WNK1: variants seen among roughly 807,000 people sequenced by gnomAD.
The protein encoded by WNK1 is WNK lysine deficient protein kinase 1, also known as serine/threonine-protein kinase WNK1.
WNK1 carries 38 observed loss-of-function variants against 222.8 expected under a neutral mutation model. The observed-to-expected ratio is 0.17, with a 90% CI of 0.13 to 0.22. The LOEUF (loss-of-function observed/expected upper bound fraction) is 0.22, where lower values mean the gene tolerates loss of function less well. Ranked by LOEUF, WNK1 falls within the 10% of genes least tolerant of loss-of-function variation. WNK1 has a pLI of 1.00. For missense variants in WNK1, 2,348 were observed against 2,918.4 expected (o/e 0.80, Z 4.50); for synonymous variants, 1,090 against 1,092.9 (o/e 1.00, Z 0.05).
chr12:838,599 A>G (rs1404717289), intron 4 of WNK1, among the ~76,000 whole-genome samples: 1 of 151,566 alleles, frequency 6.6e-6, no homozygotes, highest in Non-Finnish European at 1.5e-5. Flanking sequence ...TATTTTTTGT[A>G]GAGACGAGGT....
chr12:779,282 G>T (rs567330168), intron 1 of WNK1, among the ~76,000 whole-genome samples: 1 of 151,950 alleles, frequency 6.6e-6, no homozygotes, highest in African/African-American at 2.4e-5. Flanking sequence ...CGAATTCCCT[G>T]TTGGGAAAGT....
At chr12:820,239 A>G (rs1947732264) in intron 2 of WNK1, among the ~76,000 whole-genome samples, 1 of 152,084 alleles carries the variant, frequency 6.6e-6, no homozygotes, top group Non-Finnish European at 1.5e-5. Context: ...AATTTCTTTC[A>G]GCAATGTTTT....
At chr12:889,114 T>C (rs1173302751) in intron 20 of WNK1, 26 bp from the exon 21 acceptor site, 2 of 1,603,734 alleles carry the variant, frequency 1.2e-6, no homozygotes, top group East Asian at 2.2e-5. Context: ...CACGGAACTG[T>C]ATTTACTGTG....
Position 753,525 on chromosome 12 carries a change from C to A in WNK1, c.-41C>A. 2 of 1,610,396 alleles carry A rather than the reference C, an allele frequency of 1.2e-6. No homozygotes were observed. The highest frequency in any genetic ancestry group is 1.7e-6 in the Non-Finnish European group (2 of 1,179,580). ...CTCGGCCCTTCACGCCCTTTTCGTT[C>A]ACGAATCCGAGCCCGCTCGCCTCTC... On this transcript the variant is annotated 5_prime_UTR_variant, in exon 1 of 28. Coordinates refer to ENST00000315939, the MANE Select transcript of WNK1 (RefSeq NM_018979.4). The surrounding 1 kb of genome is among the most constrained non-coding windows in gnomAD (Gnocchi z 5.2).
intron 1 of WNK1, among the ~76,000 whole-genome samples, chr12:808,386 T>A (rs1170651247): frequency 6.6e-6 from 1 of 152,058 alleles, no homozygotes; most frequent in Non-Finnish European, 1.5e-5. Flanking sequence ...CCTCCCAAAG[T>A]GTGAGCCGCC....
At chr12:907,731 C>T in intron 26 of WNK1, 116 bp from the exon 27 acceptor site, 1 of 1,251,640 alleles carries the variant, frequency 8.0e-7, no homozygotes, top group Non-Finnish European at 1.2e-6. Context: ...CATGGCTTCC[C>T]AGTTCATCCT....
intron 4 of WNK1, among the ~76,000 whole-genome samples, chr12:848,057 G>A (rs987666461): frequency 1.3e-5 from 2 of 151,926 alleles, no homozygotes; most frequent in Non-Finnish European, 2.9e-5. Context: ...TGCCCGCTTC[G>A]GCCCTCCAAA....
intron 8 of WNK1, chr12:868,836 C>CTA: frequency 6.2e-7 from 1 of 1,614,026 alleles, no homozygotes; most frequent in Non-Finnish European, 8.5e-7. Context: ...GTGGTAGAGC[C>CTA]TATCGGACAG....
At chr12:842,293 A>G (rs544009872) in intron 4 of WNK1, among the ~76,000 whole-genome samples, 2 of 152,292 alleles carry the variant, frequency 1.3e-5, no homozygotes, top group African/African-American at 4.8e-5. Flanking sequence ...TTAATGGCAA[A>G]AAACACAATT....
chr12:780,923 T>C (rs985241983), intron 1 of WNK1, among the ~76,000 whole-genome samples: 7 of 152,224 alleles, frequency 4.6e-5, no homozygotes, highest in African/African-American at 1.2e-4. Flanking sequence ...TCTCTAGTTA[T>C]TGAATGTATA....
At chr12:793,859 CACAG>C in intron 1 of WNK1, among the ~76,000 whole-genome samples, 1 of 152,106 alleles carries the variant, frequency 6.6e-6, no homozygotes, top group Non-Finnish European at 1.5e-5. Flanking sequence ...GTGCAACCAT[CACAG>C]TACTAAGTTT....
Position 844,849 on chromosome 12 carries a change from T to C in WNK1, c.1312-12312T>C, listed in dbSNP as rs576146546. Among the ~76,000 whole-genome samples the C allele has an allele frequency of 5.9e-5, 9 of 151,420 alleles. No homozygotes were observed. In the East Asian group the frequency reaches 1.5e-3, roughly 26 times the overall value. ...TATATAATTATATAAGCAATCATGA[T>C]GATTCTGTGTTGAAATAGGCCTTGA... is the stretch of plus-strand genomic sequence containing the variant. On this transcript the variant is annotated intron_variant, in intron 4 of 27. Coordinates refer to ENST00000315939, the MANE Select transcript of WNK1 (RefSeq NM_018979.4).
chr12:887,966 G>C (rs890864009), intron 20 of WNK1, among the ~76,000 whole-genome samples: 1 of 152,056 alleles, frequency 6.6e-6, no homozygotes, highest in Non-Finnish European at 1.5e-5. Flanking sequence ...GAGTGCAGTG[G>C]TGGACAGAAT....
In WNK1 at chr12:879,750, G is replaced by T. The variant is rs750383748; in HGVS notation, c.2551G>T (p.Val851Leu). The T allele has an allele frequency of 6.2e-7, 1 of 1,613,922 alleles. No individual in the cohort carries two copies. The highest frequency in any genetic ancestry group is 1.7e-5 in the Admixed American group (1 of 59,990). Reference protein sequence around the residue: ...VSQIPISTPHVSTAQTGFSSL... With the variant: ...VSQIPISTPHLSTAQTGFSSL... ...TCAGATTCCCATATCAACTCCTCAT[G>T]TGTCTACGGCTCAGACAGGTTTCTC... Residue 851 changes from valine to leucine, a missense_variant, in exon 11 of 28, where the codon GTG (valine) becomes TTG (leucine). Val to Leu is a conservative substitution (Grantham distance 32). Around this residue, in one of 13 missense-constraint regions of WNK1, gnomAD observed 547 missense variants for 558.3 expected, o/e 0.98. Transcript: ENST00000315939.
Position 754,945 on chromosome 12 carries a change from C to T in WNK1, c.759+621C>T, listed in dbSNP as rs1252884621. ...AAACTAATGTCTTTCAGCCCATTCA[C>T]TATACAGCGAATAGTATAGGAGCCC... On this transcript the variant is annotated intron_variant, in intron 1 of 27. Transcript: ENST00000315939. Among the ~76,000 whole-genome samples, 9 of 152,332 alleles carry T rather than the reference C, an allele frequency of 5.9e-5. No individual in the cohort carries two copies. In the East Asian group the frequency reaches 1.7e-3, roughly 29 times the overall value.
chr12:816,282 T>A (rs1230141691), intron 2 of WNK1, among the ~76,000 whole-genome samples: 2 of 152,108 alleles, frequency 1.3e-5, no homozygotes, highest in African/African-American at 4.8e-5. Context: ...TCTTTTTCTT[T>A]TTTTGGAGAC....
At chr12:854,016 G>A (rs140112191) in intron 4 of WNK1, among the ~76,000 whole-genome samples, 6,358 of 152,112 alleles carry the variant, frequency 0.042, 347 homozygotes, top group African/African-American at 0.12. Flanking sequence ...CTCCCAAAGT[G>A]CTGGGACTAC....
At chr12:894,905 C>T (rs1954604734) in intron 23 of WNK1, among the ~76,000 whole-genome samples, 1 of 152,198 alleles carries the variant, frequency 6.6e-6, no homozygotes, top group Admixed American at 6.5e-5. Context: ...TTTCCTTCCA[C>T]TCCTTGTTTT....
chr12:811,774 A>G (rs1946929535), intron 1 of WNK1, among the ~76,000 whole-genome samples: 1 of 152,052 alleles, frequency 6.6e-6, no homozygotes, highest in African/African-American at 2.4e-5. Flanking sequence ...GCCCCAAATT[A>G]TTTGTTTAGG....
Sources: gnomAD v4.1 joint callset for allele counts (sites outside exome capture counted in the v4.1 genomes callset) on GRCh38, gnomAD v4.1.1 for gene constraint, gnomAD v4.1.1 regional missense constraint, Gnocchi (gnomAD v3.1) non-coding constraint, MANE v1.5 for transcripts, NCBI Gene and HGNC (gene_info 2026-07-23, HGNC 2026-07-21) for gene names.